The following SCN2A variants were observed in gnomAD, a reference collection of about 807,000 sequenced individuals.
SCN2A encodes sodium channel protein type 2 subunit alpha.
Under a neutral mutation model 188.7 loss-of-function variants are expected in SCN2A, and 20 were observed. The ratio of observed to expected loss-of-function variants is 0.11; its 90% CI spans 0.07 to 0.15. The LOEUF is 0.15. Among genes scored for constraint, SCN2A ranks in the 10% least tolerant of loss-of-function variants. The probability of loss-of-function intolerance (pLI) is 1.00; values close to 1 mark genes in which losing one functional copy is unlikely to be tolerated. For missense variants in SCN2A, 1,278 were observed against 2,445.0 expected (o/e 0.52, Z 10.07); for synonymous variants, 804 against 833.1 (o/e 0.97, Z 0.60).
intron 1 of SCN2A, among the ~76,000 whole-genome samples, chr2:165,242,319 G>A (rs1346702552): frequency 6.6e-6 from 1 of 152,114 alleles, no homozygotes; most frequent in Admixed American, 6.6e-5. Context: ...GTAAAAAAGT[G>A]TAGAAAACTA....
intron 21 of SCN2A, among the ~76,000 whole-genome samples, chr2:165,374,348 A>AT (rs1351499338): frequency 6.6e-6 from 1 of 151,966 alleles, no homozygotes. Context: ...GGTTTGTATG[A>AT]TTTTTTGAAA....
At chr2:165,313,499 A>G (rs997112095) in intron 8 of SCN2A, 121 bp from the exon 9 acceptor site, 36 of 1,045,312 alleles carry the variant, frequency 3.4e-5, no homozygotes, top group Non-Finnish European at 4.9e-5. Flanking sequence ...GGGTAAGGTG[A>G]GAGAAATCGG....
chr2:165,344,659 C>T lies in SCN2A; in HGVS notation c.2667C>T (p.Ala889=), dbSNP rs371712640. 5 of 1,613,882 alleles carry T rather than the reference C, an allele frequency of 3.1e-6. No individual in the cohort carries two copies. The highest frequency in any genetic ancestry group is 1.1e-5 in the South Asian group (1 of 91,076). ...TAGGAAACCTCACCTTGGTATTGGC[C>T]ATCATCGTCTTCATTTTTGCTGTGG... is the stretch of plus-strand genomic sequence containing the variant. ...GALGNLTLVL[A]IIVFIFAVVG... is the part of the protein sequence containing the mutation. The change falls in exon 16 of 27, where the codon GCC becomes GCT. Residue 889 remains alanine (A), a synonymous_variant. Coordinates refer to ENST00000375437, the MANE Select transcript of SCN2A (RefSeq NM_001040142.2).
At chr2:165,314,827 T>A (rs1016383622) in intron 10 of SCN2A, among the ~76,000 whole-genome samples, 2 of 152,216 alleles carry the variant, frequency 1.3e-5, no homozygotes, top group African/African-American at 4.8e-5. Flanking sequence ...TTCCCTTTTA[T>A]TACCGAGTAT....
intron 16 of SCN2A, among the ~76,000 whole-genome samples, chr2:165,350,801 C>G (rs1421897449): frequency 6.6e-6 from 1 of 152,072 alleles, no homozygotes; most frequent in Non-Finnish European, 1.5e-5. Context: ...ATGGATCACA[C>G]CAAACACCTG....
chr2:165,365,037 T>A, intron 17 of SCN2A, 106 bp from the exon 18 acceptor site: 1 of 1,087,656 alleles, frequency 9.2e-7, no homozygotes, highest in South Asian at 1.4e-5. Context: ...AAATTACAGA[T>A]CAAGAAAATG....
intron 14 of SCN2A, among the ~76,000 whole-genome samples, chr2:165,337,043 T>C (rs560805975): frequency 1.3e-5 from 2 of 152,056 alleles, no homozygotes; most frequent in African/African-American, 4.8e-5. Flanking sequence ...GGAGGCACTA[T>C]TGTAAATATG....
intron 7 of SCN2A, 29 bp downstream of exon 7, chr2:165,310,624 T>G (rs759237780): frequency 1.3e-6 from 2 of 1,510,192 alleles, no homozygotes. Context: ...ACCATTAAGT[T>G]GTTTAGTTCT....
intron 1 of SCN2A, among the ~76,000 whole-genome samples, chr2:165,289,223 AC>A (rs1486737089): frequency 6.6e-6 from 1 of 151,970 alleles, no homozygotes; most frequent in African/African-American, 2.4e-5. Flanking sequence ...ATTACTACAT[AC>A]CCTTATTTTT....
At chr2:165,379,421 G>A (rs549285416) in intron 23 of SCN2A, among the ~76,000 whole-genome samples, 2 of 151,746 alleles carry the variant, frequency 1.3e-5, no homozygotes, top group East Asian at 1.9e-4. Context: ...AGAAAAAGCA[G>A]GGACATCATT....
chr2:165,347,446 G>A (rs981184654), intron 16 of SCN2A, among the ~76,000 whole-genome samples: 1 of 151,964 alleles, frequency 6.6e-6, no homozygotes, highest in Non-Finnish European at 1.5e-5. Context: ...CTGTCGAGGG[G>A]TGGGGGGCTA....
intron 14 of SCN2A, among the ~76,000 whole-genome samples, chr2:165,341,129 T>C (rs570226909): frequency 2.5e-4 from 38 of 152,294 alleles, no homozygotes; most frequent in African/African-American, 8.7e-4. Context: ...AGTCTTGCTC[T>C]TTCGCCCAGG....
chr2:165,372,977 C>CT (rs1701119585), intron 20 of SCN2A: 2 of 366,506 alleles, frequency 5.5e-6, no homozygotes, highest in South Asian at 7.1e-5. Context: ...ATATGGGCTT[C>CT]TTTTTTATAA....
In SCN2A at chr2:165,307,854, C is replaced by T. The variant is rs1296348964; in HGVS notation, c.393C>T (p.Phe131=). The T allele has an allele frequency of 6.2e-7, 1 of 1,606,630 alleles. No homozygotes were observed. The highest frequency in any genetic ancestry group is 8.5e-7 in the Non-Finnish European group (1 of 1,173,410). The part of the protein sequence containing the change: ...LAIKILVHSL[F]NMLIMCTILT... ...TTCCTTGACGATATTCTACTTTATT[C>T]AATATGCTCATTATGTGCACGATTC... The change falls in exon 4 of 27, where the codon TTC becomes TTT. Residue 131 remains phenylalanine (F), a synonymous_variant. Coordinates refer to ENST00000375437, the MANE Select transcript of SCN2A (RefSeq NM_001040142.2).
chr2:165,365,414 C>A, intron 18 of SCN2A, 151 bp downstream of exon 18: 1 of 815,802 alleles, frequency 1.2e-6, no homozygotes. Flanking sequence ...TCATCTATAC[C>A]TATCCAACAA....
chr2:165,311,637 A>G (rs548107163), intron 7 of SCN2A, among the ~76,000 whole-genome samples: 71 of 152,200 alleles, frequency 4.7e-4, no homozygotes, highest in African/African-American at 1.5e-3. Context: ...GTAAGGTAAA[A>G]TTTATTTGCA....
At chr2:165,265,468 G>GATATATATAT (rs1436110486) in intron 1 of SCN2A, among the ~76,000 whole-genome samples, 16 of 19,780 alleles carry the variant, frequency 8.1e-4, no homozygotes, top group South Asian at 2.0e-3. Flanking sequence ...TTACTCTGTT[G>GATATATATAT]ATCTATATAT....
At chr2:165,287,906 T>C (rs954547347) in intron 1 of SCN2A, among the ~76,000 whole-genome samples, 1 of 152,246 alleles carries the variant, frequency 6.6e-6, no homozygotes, top group African/African-American at 2.4e-5. Context: ...CTGAATACTT[T>C]ATCAGTACAC....
intron 13 of SCN2A, among the ~76,000 whole-genome samples, chr2:165,328,986 C>CTTTTTTTTT (rs1269103949): frequency 6.7e-5 from 6 of 89,378 alleles, no homozygotes; most frequent in African/African-American, 1.7e-4. Flanking sequence ...TAAGATAGTC[C>CTTTTTTTTT]TTTTTTTTTT....
Sources: gnomAD v4.1 joint callset for allele counts (sites outside exome capture counted in the v4.1 genomes callset) on GRCh38, gnomAD v4.1.1 for gene constraint, MANE v1.5 for transcripts, NCBI Gene and HGNC (gene_info 2026-07-23, HGNC 2026-07-21) for gene names.